The following RPGR variants were observed in gnomAD, a reference collection of about 807,000 sequenced individuals.
RPGR encodes the protein X-linked retinitis pigmentosa GTPase regulator.
In RPGR, 10 loss-of-function variants were observed where a neutral mutation model predicts 56.3. That is an observed-to-expected ratio of 0.18 (90% CI 0.11 to 0.30). The LOEUF is 0.30. Among genes scored for constraint, RPGR ranks in the 10% least tolerant of loss-of-function variants. The probability of loss-of-function intolerance (pLI) is 1.00; values close to 1 mark genes in which losing one functional copy is unlikely to be tolerated. For missense variants in RPGR, 538 were observed against 590.9 expected, an observed-to-expected ratio of 0.91 and a Z score of 0.93; for synonymous variants, 197 against 212.9, an observed-to-expected ratio of 0.93 and a Z score of 0.65.
chrX:38,289,956 G>A (rs1342582344), intron 13 of RPGR, among the ~76,000 whole-genome samples: 1 of 111,653 alleles, frequency 9.0e-6, no homozygotes, highest in Admixed American at 9.5e-5. Context: ...CACAAGAAAG[G>A]TGTCTGCTTG....
intron 7 of RPGR, among the ~76,000 whole-genome samples, chrX:38,309,211 C>T (rs950688850): frequency 4.5e-5 from 5 of 111,561 alleles, no homozygotes; most frequent in Non-Finnish European, 9.4e-5. Context: ...CATGTCATAA[C>T]AAATATGAAA....
In RPGR at chrX:38,310,720, G is replaced by A. The variant is rs150477878; in HGVS notation, c.673C>T (p.Pro225Ser). The A allele has an allele frequency of 5.0e-6, 6 of 1,208,367 alleles. No individual in the cohort carries two copies. The highest frequency in any genetic ancestry group is 6.7e-6 in the Non-Finnish European group (6 of 894,576). ...CTGTGATTGCCCAGGAGCTGATTGG[G>A]AAGACCTAACTTCCCATTCTCAGGT... The change falls in exon 7 of 19, where the codon CCC (proline) becomes TCC (serine). Residue 225 changes from proline to serine, a missense_variant. Coordinates refer to ENST00000642395, the MANE Select transcript of RPGR (RefSeq NM_000328.3).
chrX:38,305,998 C>G (rs1488793570), intron 7 of RPGR, among the ~76,000 whole-genome samples: 1 of 111,333 alleles, frequency 9.0e-6, no homozygotes, highest in Non-Finnish European at 1.9e-5. Flanking sequence ...TCAGTAAATA[C>G]TACGTCATAT....
chrX:38,320,640 AAC>A (rs72350829), intron 4 of RPGR, among the ~76,000 whole-genome samples: 19,505 of 108,777 alleles, frequency 0.18, 1,827 homozygotes, highest in East Asian at 0.57. Context: ...AATTTCTACA[AAC>A]ACACACACAC....
rs140797924 is a variant in RPGR at position 38,275,590 on chromosome X, A to G, written c.2092-444T>C. Reference sequence around the variant, plus strand: ...AATATTTTTTTTCTTAGTGAGAGAAAGGAGTCTTGGATAAAGAAGGAACCA... The same window carrying G: ...AATATTTTTTTTCTTAGTGAGAGAAGGGAGTCTTGGATAAAGAAGGAACCA... On this transcript the variant is annotated intron_variant, in intron 16 of 18. Coordinates refer to ENST00000642395, the MANE Select transcript of RPGR (RefSeq NM_000328.3). Among the ~76,000 whole-genome samples, 427 of 112,267 alleles carry G rather than the reference A, an allele frequency of 3.8e-3. 2 individuals carry two copies. Among genetic ancestry groups the G allele is most frequent in the African/African-American group, 0.013 (413 of 30,939 alleles).
rs755454454 is a variant in RPGR, at chrX:38,285,536, T to C, written c.1905+1558A>G. On this transcript the variant is annotated intron_variant, in intron 15 of 18. Coordinates refer to ENST00000642395, the MANE Select transcript of RPGR (RefSeq NM_000328.3). ...GGCCATAATCGGGTCACATTTAAGG[T>C]TTGTTACTTCAATTCCAAGTAATGT... is the stretch of plus-strand genomic sequence containing the variant. 4.1e-6 allele frequency: 5 copies of C among 1,211,305 alleles called. No homozygotes were observed. In the South Asian group the frequency reaches 7.0e-5, roughly 17 times the overall value.
At chrX:38,291,996 C>A (rs1182425294) in intron 11 of RPGR, among the ~76,000 whole-genome samples, 3 of 111,517 alleles carry the variant, frequency 2.7e-5, no homozygotes, top group Non-Finnish European at 3.8e-5. Flanking sequence ...TCCCCCTCCA[C>A]CCCCAGCTAC....
At chrX:38,309,439 T>A (rs1349025343) in intron 7 of RPGR, among the ~76,000 whole-genome samples, 1 of 112,411 alleles carries the variant, frequency 8.9e-6, no homozygotes, top group Non-Finnish European at 1.9e-5. Flanking sequence ...TCAGGAAAAA[T>A]GTCAATTTTA....
chrX:38,325,397 C>T (rs1307421020), intron 1 of RPGR, among the ~76,000 whole-genome samples: 1 of 111,081 alleles, frequency 9.0e-6, no homozygotes, highest in African/African-American at 3.3e-5. Flanking sequence ...TTTTGTTTAC[C>T]AATTCATCAT....
intron 8 of RPGR, chrX:38,303,884 C>A: frequency 6.8e-6 from 2 of 293,735 alleles, no homozygotes; most frequent in Non-Finnish European, 1.2e-5. Context: ...TAGATGATTT[C>A]TGACTTTCCA....
In RPGR at chrX:38,277,549, C is replaced by T. The variant is rs902282570; in HGVS notation, c.1906-777G>A. ...AGATATTAGGTTTCTCATTAGATTCCCCCCCATACTTTTCATTTACACACT... is the reference window on the plus strand; with the variant it reads ...AGATATTAGGTTTCTCATTAGATTCTCCCCCATACTTTTCATTTACACACT... On this transcript the variant is annotated intron_variant, in intron 15 of 18. Coordinates refer to ENST00000642395, the MANE Select transcript of RPGR (RefSeq NM_000328.3). Among the ~76,000 whole-genome samples the T allele has an allele frequency of 4.5e-5, 5 of 110,281 alleles. No individual in the cohort carries two copies. In the Admixed American group the frequency reaches 4.8e-4, roughly 11 times the overall value.
chrX:38,301,221 T>C lies in RPGR; in HGVS notation c.1059+26A>G, dbSNP rs780350720. On this transcript the variant is annotated intron_variant, in intron 9 of 18. Transcript: ENST00000642395. Reference sequence around the variant, plus strand: ...ACTCAAATACAGTAATATGAAAATATAAACAGGGAAATGTGATGCCCTTAC... The same window carrying C: ...ACTCAAATACAGTAATATGAAAATACAAACAGGGAAATGTGATGCCCTTAC... The C allele has an allele frequency of 3.4e-6, 4 of 1,159,467 alleles. No individual in the cohort carries two copies. The East Asian group carries it at 1.2e-4, about 35-fold the overall frequency.
intron 15 of RPGR, chrX:38,284,763 T>C: frequency 1.4e-6 from 1 of 701,243 alleles, no homozygotes. Context: ...ACTGCAGTTA[T>C]CACATCATCT....
intron 14 of RPGR, 176 bp downstream of exon 14, chrX:38,287,681 TCTCA>T (rs1480411353): frequency 3.7e-6 from 2 of 533,360 alleles, no homozygotes; most frequent in Admixed American, 2.6e-5. Flanking sequence ...TTAGTTTCCT[TCTCA>T]CTGTCTATTT....
At chrX:38,287,282 T>C in intron 14 of RPGR, 37 bp from the exon 15 acceptor site, 1 of 1,205,231 alleles carries the variant, frequency 8.3e-7, no homozygotes, top group African/African-American at 1.7e-5. Context: ...TACTTTGCCA[T>C]GGATTTGGAT....
intron 1 of RPGR, among the ~76,000 whole-genome samples, chrX:38,324,218 G>A (rs1392382597): frequency 1.8e-5 from 2 of 111,713 alleles, no homozygotes; most frequent in Non-Finnish European, 3.8e-5. Context: ...GGAGTAGCTA[G>A]GACTATAGGC....
rs200640860 is a variant in RPGR at position 38,318,803 on chromosome X, C to T, written c.469+26G>A. 3.3e-4 allele frequency: 393 copies of T among 1,206,964 alleles called. No individual in the cohort carries two copies. The African/African-American group carries it at 4.2e-3, about 13-fold the overall frequency. Reference sequence around the variant, plus strand: ...TGATCTACAGGAAAGGAATGTGTCCCAGACTGAAAAAGAAACAAGTCTCAC... The same window carrying T: ...TGATCTACAGGAAAGGAATGTGTCCTAGACTGAAAAAGAAACAAGTCTCAC... On this transcript the variant is annotated intron_variant, in intron 5 of 18. Coordinates refer to ENST00000642395, the MANE Select transcript of RPGR (RefSeq NM_000328.3).
chrX:38,291,255 T>C (rs1272463915), intron 12 of RPGR, 138 bp downstream of exon 12: 7 of 426,229 alleles, frequency 1.6e-5, no homozygotes, highest in Non-Finnish European at 1.2e-5. Flanking sequence ...TACCTCAATA[T>C]AGTTGGTTAA....
intron 18 of RPGR, chrX:38,273,317 T>C (rs1174686066): frequency 3.5e-6 from 3 of 846,038 alleles, no homozygotes; most frequent in Non-Finnish European, 5.2e-6. Flanking sequence ...ATTATGTGGA[T>C]TGCCATATGA....
Sources: allele counts gnomAD v4.1 joint callset (sites outside exome capture counted in the v4.1 genomes callset), GRCh38; gene constraint gnomAD v4.1.1; transcripts MANE v1.5; gene names NCBI Gene and HGNC (gene_info 2026-07-23, HGNC 2026-07-21).